PRIM2: variants seen among roughly 807,000 people sequenced by gnomAD.
PRIM2 encodes DNA primase subunit 2, also known as DNA primase large subunit.
PRIM2 carries 39 observed loss-of-function variants against 67.3 expected under a neutral mutation model. The ratio of observed to expected loss-of-function variants is 0.58; its 90% CI spans 0.45 to 0.76. The LOEUF (loss-of-function observed/expected upper bound fraction) is 0.76. Ranked by LOEUF, PRIM2 falls within the 30% of genes least tolerant of loss-of-function variation. PRIM2 has a pLI of 0.00. For synonymous variants in PRIM2, 143 were observed against 198.7 expected (o/e 0.72, Z 2.36); for missense variants, 398 against 598.7 (o/e 0.66, Z 3.50).
At chr6:57,638,121 C>T (rs1226726858) in intron 13 of PRIM2, among the ~76,000 whole-genome samples, 1 of 152,168 alleles carries the variant, frequency 6.6e-6, no homozygotes, top group Non-Finnish European at 1.5e-5. Flanking sequence ...AAAGAATTTT[C>T]AACCCAGAAT....
chr6:57,460,616 T>TAAAAAAAA (rs10667805), intron 7 of PRIM2, among the ~76,000 whole-genome samples: 10 of 129,704 alleles, frequency 7.7e-5, no homozygotes, highest in Non-Finnish European at 1.7e-5. Flanking sequence ...CATCCTGATT[T>TAAAAAAAA]AAAAAAAAAA....
At chr6:57,615,002 G>C (rs2127495401) in intron 12 of PRIM2, among the ~76,000 whole-genome samples, 1 of 152,182 alleles carries the variant, frequency 6.6e-6, no homozygotes, top group East Asian at 1.9e-4. Flanking sequence ...TTCTGCCTAA[G>C]TTAGATGTCT....
intron 10 of PRIM2, among the ~76,000 whole-genome samples, chr6:57,575,883 A>G (rs1178123698): frequency 6.6e-6 from 1 of 152,070 alleles, no homozygotes; most frequent in Non-Finnish European, 1.5e-5. Context: ...GGTTCAAGCT[A>G]TTCTCCTGCC....
chr6:57,272,299 T>A, the PRIM2 span, among the ~76,000 whole-genome samples: 6 of 152,202 alleles, frequency 3.9e-5, no homozygotes, highest in African/African-American at 1.4e-4. Flanking sequence ...GCTTTATGAA[T>A]CTGGGTGCTC....
chr6:57,542,289 TG>T (rs1775177255), intron 10 of PRIM2, among the ~76,000 whole-genome samples: 1 of 152,150 alleles, frequency 6.6e-6, no homozygotes, highest in Non-Finnish European at 1.5e-5. Context: ...GCTGGTGAGC[TG>T]GGTTGTTTTG....
chr6:57,315,602 T>C (rs2127264423), upstream of PRIM2, among the ~76,000 whole-genome samples: 1 of 152,276 alleles, frequency 6.6e-6, no homozygotes, highest in African/African-American at 2.4e-5. Context: ...TTATTTTTTC[T>C]ATGAGTTACC....
At chr6:57,518,729 T>C (rs1325591091) in intron 8 of PRIM2, among the ~76,000 whole-genome samples, 3 of 152,284 alleles carry the variant, frequency 2.0e-5, no homozygotes, top group Middle Eastern at 3.4e-3. Flanking sequence ...AAGAAATGCT[T>C]TTTATCTTTG....
intron 7 of PRIM2, among the ~76,000 whole-genome samples, chr6:57,484,432 C>T (rs1263009432): frequency 6.6e-4 from 100 of 152,224 alleles, no homozygotes; most frequent in African/African-American, 2.4e-3. Context: ...CAACTGAACT[C>T]AGTTTGCTTG....
chr6:57,456,933 C>T (rs765267332), intron 7 of PRIM2, among the ~76,000 whole-genome samples: 1 of 152,106 alleles, frequency 6.6e-6, no homozygotes, highest in African/African-American at 2.4e-5. Flanking sequence ...CTACCTTTGG[C>T]CTTTGATGAT....
At chr6:57,360,476 A>G (rs1326479014) in intron 5 of PRIM2, among the ~76,000 whole-genome samples, 1 of 152,198 alleles carries the variant, frequency 6.6e-6, no homozygotes, top group Non-Finnish European at 1.5e-5. Context: ...AAAACTGAAA[A>G]TAGATAAAAT....
At chr6:57,251,093 T>C in the PRIM2 span, among the ~76,000 whole-genome samples, 19 of 152,198 alleles carry the variant, frequency 1.2e-4, no homozygotes, top group Non-Finnish European at 4.4e-5. Context: ...TCTTCTTTTC[T>C]GTTTCTTTCC....
chr6:57,434,762 C>G (rs925214649), intron 7 of PRIM2, among the ~76,000 whole-genome samples: 2 of 151,596 alleles, frequency 1.3e-5, no homozygotes, highest in Non-Finnish European at 2.9e-5. Context: ...GGTCTCTGCT[C>G]TCTCTCTCTT....
intron 10 of PRIM2, among the ~76,000 whole-genome samples, chr6:57,553,093 C>G (rs1209188720): frequency 6.6e-6 from 1 of 152,132 alleles, no homozygotes; most frequent in Non-Finnish European, 1.5e-5. Context: ...TCAGTAAATC[C>G]ATATGTAAGG....
intron 7 of PRIM2, among the ~76,000 whole-genome samples, chr6:57,442,251 A>G (rs1480254741): frequency 1.3e-5 from 2 of 152,158 alleles, no homozygotes; most frequent in Admixed American, 1.3e-4. Flanking sequence ...TTGTCCCACA[A>G]CTGAGTGGGA....
chr6:57,570,168 C>A (rs1775835255), intron 10 of PRIM2, among the ~76,000 whole-genome samples: 1 of 152,134 alleles, frequency 6.6e-6, no homozygotes, highest in African/African-American at 2.4e-5. Flanking sequence ...ATGGTGAGAT[C>A]TTTAAGAAAG....
At chr6:57,281,230 C>T in the PRIM2 span, among the ~76,000 whole-genome samples, 3 of 152,120 alleles carry the variant, frequency 2.0e-5, no homozygotes, top group South Asian at 2.1e-4. Flanking sequence ...TTCCATTCCC[C>T]GGCTATTGTG....
At chr6:57,260,633 C>CA in the PRIM2 span, among the ~76,000 whole-genome samples, 2 of 152,082 alleles carry the variant, frequency 1.3e-5, no homozygotes, top group Non-Finnish European at 2.9e-5. Context: ...TTTAAGTTTA[C>CA]ATGAACCTGA....
chr6:57,227,289 C>G, the PRIM2 span, among the ~76,000 whole-genome samples: 1 of 152,180 alleles, frequency 6.6e-6, no homozygotes, highest in Non-Finnish European at 1.5e-5. Context: ...CTTCAGTGAT[C>G]TGATGCATTT....
At chr6:57,248,428 G>C in the PRIM2 span, among the ~76,000 whole-genome samples, 1 of 152,004 alleles carries the variant, frequency 6.6e-6, no homozygotes, top group South Asian at 2.1e-4. Flanking sequence ...TTGGTGTTTC[G>C]AACAAATAAT....
Sources: gnomAD v4.1 joint callset for allele counts (sites outside exome capture counted in the v4.1 genomes callset) on GRCh38, gnomAD v4.1.1 for gene constraint, MANE v1.5 for transcripts, NCBI Gene and HGNC (gene_info 2026-07-23, HGNC 2026-07-21) for gene names.